Variants in FOXP1 observed in about 807,000 individuals in gnomAD.
FOXP1 encodes forkhead box protein P1.
In FOXP1, 15 loss-of-function variants were observed where a neutral mutation model predicts 98.2. The observed-to-expected ratio is 0.15, with a 90% CI of 0.10 to 0.24. FOXP1 has a LOEUF of 0.24. Ranked by LOEUF, FOXP1 falls within the 10% of genes least tolerant of loss-of-function variation. The pLI, the probability that FOXP1 is intolerant of heterozygous loss-of-function variation, is 1.00. For missense variants in FOXP1, 633 were observed against 848.5 expected, an observed-to-expected ratio of 0.75 and a Z score of 3.15; for synonymous variants, 371 against 314.5, an observed-to-expected ratio of 1.18 and a Z score of -1.90.
At chr3:71,392,722 C>T (rs557133059) in intron 3 of FOXP1, among the ~76,000 whole-genome samples, 2 of 152,188 alleles carry the variant, frequency 1.3e-5, no homozygotes, top group South Asian at 4.1e-4. Flanking sequence ...AATTGCAATG[C>T]ACTTGGCCTA....
chr3:70,974,400 C>T (rs532622682), intron 17 of FOXP1, among the ~76,000 whole-genome samples: 77 of 151,920 alleles, frequency 5.1e-4, no homozygotes, highest in African/African-American at 1.7e-3. Flanking sequence ...TGGGCTCAAG[C>T]GAGTCTCCTG....
At chr3:71,178,293 C>A (rs1055608476) in intron 6 of FOXP1, among the ~76,000 whole-genome samples, 6 of 152,100 alleles carry the variant, frequency 3.9e-5, no homozygotes, top group Non-Finnish European at 7.4e-5. Flanking sequence ...TACCACCACA[C>A]CTGGCTAATT....
intron 11 of FOXP1, among the ~76,000 whole-genome samples, chr3:71,029,389 T>G (rs2046560338): frequency 6.6e-6 from 1 of 151,880 alleles, no homozygotes; most frequent in Non-Finnish European, 1.5e-5. Flanking sequence ...CCACTAGTGC[T>G]CTTTTTTTTT....
intron 6 of FOXP1, among the ~76,000 whole-genome samples, chr3:71,141,621 T>C (rs1316217340): frequency 6.6e-6 from 1 of 152,168 alleles, no homozygotes; most frequent in Non-Finnish European, 1.5e-5. Context: ...GGTGACTACT[T>C]TGTACTAAGC....
At chr3:71,468,928 A>G (rs2089054375) in intron 3 of FOXP1, among the ~76,000 whole-genome samples, 1 of 152,182 alleles carries the variant, frequency 6.6e-6, no homozygotes, top group Non-Finnish European at 1.5e-5. Context: ...GACACAAAAG[A>G]TATCTCAGGA....
chr3:71,048,656 C>T (rs2049379668), intron 9 of FOXP1, among the ~76,000 whole-genome samples: 1 of 151,682 alleles, frequency 6.6e-6, no homozygotes, highest in Non-Finnish European at 1.5e-5. Context: ...AATGTAAAAC[C>T]CAGTGATAGT....
At chr3:71,255,137 C>G (rs1327964736) in intron 5 of FOXP1, among the ~76,000 whole-genome samples, 2 of 152,146 alleles carry the variant, frequency 1.3e-5, no homozygotes, top group Non-Finnish European at 2.9e-5. Context: ...CACAATTAAC[C>G]TCGGACCTAT....
intron 14 of FOXP1, among the ~76,000 whole-genome samples, chr3:70,980,103 C>A (rs1242507883): frequency 6.6e-6 from 1 of 152,064 alleles, no homozygotes; most frequent in African/African-American, 2.4e-5. Context: ...ATGTTGGAAA[C>A]CTGGCTTTCT....
At chr3:71,084,333 A>G (rs1400065913) in intron 7 of FOXP1, among the ~76,000 whole-genome samples, 3 of 152,140 alleles carry the variant, frequency 2.0e-5, no homozygotes, top group Non-Finnish European at 4.4e-5. Context: ...TTTTCACTCA[A>G]AATTCTTTCA....
intron 2 of FOXP1, among the ~76,000 whole-genome samples, chr3:71,566,029 T>C (rs2046886609): frequency 6.6e-6 from 1 of 152,186 alleles, no homozygotes; most frequent in South Asian, 2.1e-4. Context: ...CAACCAATTC[T>C]CCACTCTATT....
chr3:71,327,922 A>G (rs2076015232), intron 4 of FOXP1, among the ~76,000 whole-genome samples: 1 of 152,204 alleles, frequency 6.6e-6, no homozygotes, highest in African/African-American at 2.4e-5. Flanking sequence ...TTTCTAAATC[A>G]GTAATGTTCT....
At chr3:71,542,190 A>G in intron 2 of FOXP1, 1 of 384,918 alleles carries the variant, frequency 2.6e-6, no homozygotes, top group Non-Finnish European at 5.2e-6. Context: ...AATGTTTTTC[A>G]TATGGCACAT....
intron 2 of FOXP1, among the ~76,000 whole-genome samples, chr3:71,497,808 A>C (rs1365444176): frequency 6.6e-6 from 1 of 152,172 alleles, no homozygotes; most frequent in Non-Finnish European, 1.5e-5. Context: ...ACAGCCCCAG[A>C]AGTACCTTGG....
intron 11 of FOXP1, among the ~76,000 whole-genome samples, chr3:71,036,207 G>A (rs1006359324): frequency 1.3e-5 from 2 of 152,200 alleles, no homozygotes; most frequent in African/African-American, 4.8e-5. Context: ...ACTGCCAACT[G>A]TGGAGTGGAG....
chr3:71,528,990 T>C (rs2043613625), intron 2 of FOXP1, among the ~76,000 whole-genome samples: 1 of 152,240 alleles, frequency 6.6e-6, no homozygotes, highest in African/African-American at 2.4e-5. Context: ...GATTGCCATA[T>C]AAGGCAAAAC....
At chr3:71,194,075 T>G (rs978129819) in intron 6 of FOXP1, among the ~76,000 whole-genome samples, 4 of 152,152 alleles carry the variant, frequency 2.6e-5, no homozygotes, top group Non-Finnish European at 5.9e-5. Flanking sequence ...AAGTAAACAC[T>G]TTGCTTATCC....
At position 71,122,780 on chromosome 3, in the gene FOXP1, G is replaced by A. The variant is rs546589449; in HGVS notation, c.181-10143C>T. 1.2e-4 allele frequency among the ~76,000 whole-genome samples: 18 copies of A among 152,270 alleles called. No homozygotes were observed. In the East Asian group the frequency reaches 3.5e-3, roughly 29 times the overall value. Reference sequence around the variant, plus strand: ...GCCCAAGGTCACAAGTCTACAGAGTGGCTAGGATGGAAAAACAAAAACGAA... The same window carrying A: ...GCCCAAGGTCACAAGTCTACAGAGTAGCTAGGATGGAAAAACAAAAACGAA... On this transcript the variant is annotated intron_variant, in intron 6 of 20. Coordinates refer to ENST00000649528, the MANE Select transcript of FOXP1 (RefSeq NM_001349338.3).
chr3:71,156,991 A>G (rs375080334), intron 6 of FOXP1, among the ~76,000 whole-genome samples: 3 of 152,232 alleles, frequency 2.0e-5, no homozygotes, highest in African/African-American at 7.2e-5. Flanking sequence ...AGCCAGTTTC[A>G]AGGCCTAGTA....
chr3:71,245,732 T>C, intron 5 of FOXP1, among the ~76,000 whole-genome samples: 1 of 152,074 alleles, frequency 6.6e-6, no homozygotes. Flanking sequence ...CCTGAAAATT[T>C]ATTACCTGAA....
Sources: allele counts gnomAD v4.1 joint callset (sites outside exome capture counted in the v4.1 genomes callset), GRCh38; gene constraint gnomAD v4.1.1; transcripts MANE v1.5; gene names NCBI Gene and HGNC (gene_info 2026-07-23, HGNC 2026-07-21).